The following PPP4R3B variants were observed in gnomAD, a reference collection of about 807,000 sequenced individuals.
The protein encoded by PPP4R3B is protein phosphatase 4 regulatory subunit 3B, also known as serine/threonine-protein phosphatase 4 regulatory subunit 3B.
Under a neutral mutation model 95.4 loss-of-function variants are expected in PPP4R3B, and 52 were observed. That is an observed-to-expected ratio of 0.54 (90% CI 0.44 to 0.69). The LOEUF (loss-of-function observed/expected upper bound fraction) is 0.69. Ranked by LOEUF, PPP4R3B falls within the 30% of genes least tolerant of loss-of-function variation. The probability of loss-of-function intolerance (pLI) is 0.00; values close to 1 mark genes in which losing one functional copy is unlikely to be tolerated. For missense variants in PPP4R3B, 1,003 were observed against 1,005.9 expected (o/e 1.00, Z 0.04); for synonymous variants, 407 against 343.9 (o/e 1.18, Z -2.03).
At chr2:55,560,978 C>G (rs144566472) in intron 15 of PPP4R3B, among the ~76,000 whole-genome samples, 3 of 152,112 alleles carry the variant, frequency 2.0e-5, no homozygotes, top group African/African-American at 7.2e-5. Flanking sequence ...GAAATTCAAG[C>G]TGGCTGCAGA....
rs756882486 is a variant in PPP4R3B, at chr2:55,603,982, C to T, written c.293G>A (p.Cys98Tyr). Residue 98 changes from cysteine to tyrosine, a missense_variant, in exon 3 of 17, where the codon TGT (cysteine) becomes TAT (tyrosine). Physicochemically the swap from Cys to Tyr is radical, Grantham distance 194. Coordinates refer to ENST00000616407, the MANE Select transcript of PPP4R3B (RefSeq NM_001122964.3). ...ATATTATAAAAAGAAACTTACCTGA[C>T]AAATTTTTTCCCAGATCTCATCACA... Reference protein sequence around the residue: ...AGCDEIWEKICQVQGKDPSVE... With the variant: ...AGCDEIWEKIYQVQGKDPSVE... 6 of 1,595,226 alleles carry T rather than the reference C, an allele frequency of 3.8e-6. No individual in the cohort carries two copies. Among genetic ancestry groups the T allele is most frequent in the Non-Finnish European group, 5.1e-6 (6 of 1,173,972 alleles).
At chr2:55,567,490 C>T (rs761233541) in intron 13 of PPP4R3B, among the ~76,000 whole-genome samples, 7 of 151,976 alleles carry the variant, frequency 4.6e-5, no homozygotes, top group Middle Eastern at 3.2e-3. Context: ...AATCTTGGCT[C>T]ACTGCAACCC....
chr2:55,605,784 T>C (rs920172217), intron 2 of PPP4R3B, among the ~76,000 whole-genome samples: 125 of 151,720 alleles, frequency 8.2e-4, no homozygotes, highest in African/African-American at 3.0e-3. Flanking sequence ...CGCGTGCCTA[T>C]AGTCCCAGCT....
At position 55,598,813 on chromosome 2, in the gene PPP4R3B, A is replaced by G; in HGVS notation, c.524T>C (p.Leu175Pro). ...CTCGCAAGCTTGGAACAGCTGCAAT[A>G]GTTTTTTAATATAGCCTTCATTTTC... ...ALENEGYIKK[L>P]LQLFQACENL... The change falls in exon 4 of 17, where the codon CTA becomes CCA. Residue 175 changes from leucine to proline, a missense_variant. By Grantham distance (98) the Leu-to-Pro change is moderately conservative. Around this residue, in one of 3 missense-constraint regions of PPP4R3B, gnomAD observed 695 missense variants for 686.2 expected, o/e 1.01. Coordinates refer to ENST00000616407, the MANE Select transcript of PPP4R3B (RefSeq NM_001122964.3). 1.9e-6 allele frequency: 3 copies of G among 1,614,206 alleles called. No individual in the cohort carries two copies. The highest frequency in any genetic ancestry group is 2.5e-6 in the Non-Finnish European group (3 of 1,180,034).
intron 4 of PPP4R3B, among the ~76,000 whole-genome samples, chr2:55,595,969 T>C (rs1184004255): frequency 6.6e-6 from 1 of 152,146 alleles, no homozygotes; most frequent in Non-Finnish European, 1.5e-5. Context: ...GTAAGACAAG[T>C]ACTTAAAAAG....
In PPP4R3B at chr2:55,598,404, C is replaced by T. The variant is rs1692096757; in HGVS notation, c.921+12G>A. 1.9e-6 allele frequency: 3 copies of T among 1,609,786 alleles called. No individual in the cohort carries two copies. Among genetic ancestry groups the T allele is most frequent in the Non-Finnish European group, 2.5e-6 (3 of 1,178,292 alleles). ...TGAAAAATGGAATCGTGAAGAGTAT[C>T]TTTTTACTTACCTGCAACATGCTGA... On this transcript the variant is annotated intron_variant, in intron 4 of 16. Transcript: ENST00000616407.
At chr2:55,573,886 CT>C (rs369126683) in intron 11 of PPP4R3B, 109 bp from the exon 12 acceptor site, 19,748 of 275,326 alleles carry the variant, frequency 0.072, no homozygotes, top group South Asian at 0.14. Flanking sequence ...GTATTTCCTC[CT>C]TTTTTTTTTT....
chr2:55,598,063 C>CA (rs1692045214), intron 4 of PPP4R3B, among the ~76,000 whole-genome samples: 1 of 151,774 alleles, frequency 6.6e-6, no homozygotes, highest in African/African-American at 2.4e-5. Context: ...ACTAAAAATA[C>CA]AAAAAAATCA....
chr2:55,575,003 T>G (rs905547435), intron 11 of PPP4R3B, among the ~76,000 whole-genome samples: 5 of 147,692 alleles, frequency 3.4e-5, no homozygotes, highest in African/African-American at 1.3e-4. Context: ...AGTGGTGCGA[T>G]CTCGGCTCAC....
At chr2:55,574,972 C>T (rs1688473222) in intron 11 of PPP4R3B, among the ~76,000 whole-genome samples, 1 of 132,350 alleles carries the variant, frequency 7.6e-6, no homozygotes, top group African/African-American at 2.8e-5. Flanking sequence ...GAGTCTCACT[C>T]TGTAGCCCAG....
In PPP4R3B at chr2:55,598,978, T is replaced by C; in HGVS notation, c.359A>G (p.Glu120Gly). 1 of 1,613,964 alleles carries C rather than the reference T, an allele frequency of 6.2e-7. No individual in the cohort carries two copies. The highest frequency in any genetic ancestry group is 8.5e-7 in the Non-Finnish European group (1 of 1,179,896). The change falls in exon 4 of 17, where the codon GAA (glutamate) becomes GGA (glycine). Residue 120 changes from glutamate (E) to glycine (G), a missense_variant. Physicochemically the swap from Glu to Gly is moderately conservative, Grantham distance 98. Coordinates refer to ENST00000616407, the MANE Select transcript of PPP4R3B (RefSeq NM_001122964.3). ...TQDLIDESEE[E>G]RFEEMPETSH... is the part of the protein sequence containing the mutation. ...AGTTTCAGGCATTTCTTCAAATCGTTCTTCTTCAGATTCATCAATGAGGTC... is the reference window on the plus strand; with the variant it reads ...AGTTTCAGGCATTTCTTCAAATCGTCCTTCTTCAGATTCATCAATGAGGTC...
rs1349288418 is a variant in PPP4R3B at position 55,558,950 on chromosome 2, T to C, written c.2279A>G (p.Lys760Arg). The C allele has an allele frequency of 3.7e-6, 6 of 1,608,160 alleles. No homozygotes were observed. The highest frequency in any genetic ancestry group is 5.1e-6 in the Non-Finnish European group (6 of 1,177,996). Reference protein sequence around the residue: ...ETKKAKESEDKENLPKRTSPG... With the variant: ...ETKKAKESEDRENLPKRTSPG... ...AGATGTCCTTTTGGGAAGGTTTTCC[T>C]TGTCTTCACTTTCTTTTGCTAAAGC... is the stretch of plus-strand genomic sequence containing the variant. Residue 760 changes from lysine (K) to arginine (R), a missense_variant, in exon 16 of 17, where the codon AAG (lysine) becomes AGG (arginine). By Grantham distance (26) the Lys-to-Arg change is conservative. Around this residue, in one of 3 missense-constraint regions of PPP4R3B, gnomAD observed 229 missense variants for 194.7 expected, o/e 1.18. Coordinates refer to ENST00000616407, the MANE Select transcript of PPP4R3B (RefSeq NM_001122964.3).
chr2:55,592,168 A>G (rs1395868033), intron 4 of PPP4R3B, among the ~76,000 whole-genome samples: 1 of 152,230 alleles, frequency 6.6e-6, no homozygotes, highest in Non-Finnish European at 1.5e-5. Context: ...ATATAAACAC[A>G]GAAATTTAGA....
chr2:55,597,904 A>C (rs1692023945), intron 4 of PPP4R3B, among the ~76,000 whole-genome samples: 2 of 152,136 alleles, frequency 1.3e-5, no homozygotes, highest in Admixed American at 6.5e-5. Context: ...TAAAAAGCTA[A>C]AACACAGGCT....
intron 12 of PPP4R3B, 33 bp from the exon 13 acceptor site, chr2:55,568,396 G>T: frequency 1.3e-6 from 2 of 1,521,724 alleles, no homozygotes; most frequent in Non-Finnish European, 1.8e-6. Flanking sequence ...ATAAGTTAAT[G>T]ATCTTACTAA....
intron 15 of PPP4R3B, among the ~76,000 whole-genome samples, chr2:55,560,926 G>A (rs1686525594): frequency 6.6e-6 from 1 of 152,154 alleles, no homozygotes; most frequent in South Asian, 2.1e-4. Flanking sequence ...AAAACTTGCA[G>A]CCTGACCATG....
intron 15 of PPP4R3B, among the ~76,000 whole-genome samples, chr2:55,560,068 G>A (rs953184290): frequency 1.3e-5 from 2 of 152,194 alleles, no homozygotes; most frequent in African/African-American, 4.8e-5. Flanking sequence ...GATGCAGTGA[G>A]CTGAGATTGT....
At chr2:55,554,035 C>T (rs990085901) in intron 16 of PPP4R3B, among the ~76,000 whole-genome samples, 9 of 152,218 alleles carry the variant, frequency 5.9e-5, no homozygotes, top group East Asian at 5.8e-4. Context: ...TTTGGGGAAC[C>T]GCCAGACTGT....
chr2:55,588,060 T>C (rs577512991), intron 5 of PPP4R3B, among the ~76,000 whole-genome samples: 19 of 152,282 alleles, frequency 1.2e-4, no homozygotes, highest in African/African-American at 4.1e-4. Context: ...GAAAAAAATG[T>C]CAAACATCTG....
Sources: allele counts gnomAD v4.1 joint callset (sites outside exome capture counted in the v4.1 genomes callset), GRCh38; gene constraint gnomAD v4.1.1; regional missense constraint gnomAD v4.1.1; transcripts MANE v1.5; gene names NCBI Gene and HGNC (gene_info 2026-07-23, HGNC 2026-07-21).